USP34: variants seen among roughly 807,000 people sequenced by gnomAD.
USP34 encodes the protein ubiquitin specific peptidase 34, also known as ubiquitin carboxyl-terminal hydrolase 34.
USP34 carries 70 observed loss-of-function variants against 460.3 expected under a neutral mutation model. The ratio of observed to expected loss-of-function variants is 0.15; its 90% CI spans 0.13 to 0.19. The LOEUF (loss-of-function observed/expected upper bound fraction) is 0.19, where lower values mean the gene tolerates loss of function less well. Ranked by LOEUF, USP34 falls within the 10% of genes least tolerant of loss-of-function variation. The pLI is 1.00. For missense variants in USP34, 3,985 were observed against 4,236.2 expected, an observed-to-expected ratio of 0.94 and a Z score of 1.65; for synonymous variants, 1,647 against 1,405.3, an observed-to-expected ratio of 1.17 and a Z score of -3.85.
rs372063499 is a variant in USP34, at chr2:61,343,809, T to C, written c.2500+6A>G. ...GTAATATATTTTACTTACTGTAGAG[T>C]CTTACCTTGACTAAGATGTTCATGG... is the stretch of plus-strand genomic sequence containing the variant. On this transcript the variant is annotated splice_donor_region_variant and intron_variant, in intron 16 of 79. Transcript: ENST00000398571. The C allele has an allele frequency of 3.1e-6, 5 of 1,612,260 alleles. 1 individual carries two copies. In the African/African-American group the frequency reaches 6.7e-5, roughly 22 times the overall value.
intron 2 of USP34, among the ~76,000 whole-genome samples, chr2:61,410,876 C>G (rs928123522): frequency 1.3e-5 from 2 of 152,018 alleles, no homozygotes; most frequent in African/African-American, 4.8e-5. Flanking sequence ...CCACAGAACA[C>G]TGGAAAGGCT....
chr2:61,232,592 A>T lies in USP34; in HGVS notation c.7033-60T>A, dbSNP rs951796036. The stretch of plus-strand genomic sequence containing the variant: ...CAACAAATATTTGTTACATGGGATA[A>T]CAGTCACATAAGAATTTTATTTCTA... On this transcript the variant is annotated intron_variant, in intron 57 of 79. Coordinates refer to ENST00000398571, the MANE Select transcript of USP34 (RefSeq NM_014709.4). 20 of 1,291,986 alleles carry T rather than the reference A, an allele frequency of 1.5e-5. No individual in the cohort carries two copies. In the African/African-American group the frequency reaches 2.4e-4, roughly 15 times the overall value. 80.0% of individuals were successfully genotyped at this position (1,291,986 alleles called of 1,614,324 possible).
At chr2:61,371,428 T>C (rs1572976946) in intron 8 of USP34, among the ~76,000 whole-genome samples, 1 of 141,676 alleles carries the variant, frequency 7.1e-6, no homozygotes, top group East Asian at 2.1e-4. Context: ...CAGCTCCATG[T>C]GTATTATTAA....
chr2:61,339,709 A>AT, intron 16 of USP34, 28 bp from the exon 17 acceptor site: 1 of 1,237,552 alleles, frequency 8.1e-7, no homozygotes, highest in Non-Finnish European at 1.1e-6. Context: ...AAAAAGACAC[A>AT]CTATAGAGAA....
chr2:61,383,118 T>G (rs1359992334), intron 6 of USP34, 151 bp downstream of exon 6: 1 of 446,268 alleles, frequency 2.2e-6, no homozygotes, highest in Non-Finnish European at 4.0e-6. Flanking sequence ...TCCATATATG[T>G]GCATAAAAAA....
chr2:61,209,839 A>T (rs992000107), intron 69 of USP34, among the ~76,000 whole-genome samples: 2 of 152,238 alleles, frequency 1.3e-5, no homozygotes, highest in African/African-American at 2.4e-5. Context: ...CCCAAGTGGG[A>T]CAAGATGTGG....
chr2:61,289,823 A>T (rs1199998935), intron 33 of USP34, among the ~76,000 whole-genome samples: 1 of 152,170 alleles, frequency 6.6e-6, no homozygotes, highest in Non-Finnish European at 1.5e-5. Context: ...AGAAAAGACT[A>T]TAAAACTTAC....
chr2:61,232,360 A>T, intron 58 of USP34, 92 bp downstream of exon 58: 1 of 1,023,634 alleles, frequency 9.8e-7, no homozygotes, highest in Non-Finnish European at 1.5e-6. Flanking sequence ...TATCAATATT[A>T]GGTTAAGACA....
rs200157293 is a variant in USP34 at position 61,188,649 on chromosome 2, A to G, written c.10094T>C (p.Val3365Ala). ...RRVSSDEEHTVDSCISDMKTE... is the reference protein window; with the variant it reads ...RRVSSDEEHTADSCISDMKTE... Reference sequence around the variant, plus strand: ...TTTCATGTCACTGATGCAGCTGTCTACAGTGTGCTCCTCATCACTGCTAAC... The same window carrying G: ...TTTCATGTCACTGATGCAGCTGTCTGCAGTGTGCTCCTCATCACTGCTAAC... The change falls in exon 80 of 80, where the codon GTA (valine) becomes GCA (alanine). Residue 3365 changes from valine to alanine, a missense_variant. Coordinates refer to ENST00000398571, the MANE Select transcript of USP34 (RefSeq NM_014709.4). The G allele has an allele frequency of 1.9e-6, 3 of 1,614,178 alleles. No homozygotes were observed. Among genetic ancestry groups the G allele is most frequent in the African/African-American group, 2.7e-5 (2 of 75,040 alleles).
chr2:61,245,929 A>G (rs1043991969), intron 50 of USP34, among the ~76,000 whole-genome samples: 15 of 152,196 alleles, frequency 9.9e-5, no homozygotes, highest in African/African-American at 3.6e-4. Context: ...AAGGATAAAA[A>G]GAAGTGTGTG....
At chr2:61,381,809 A>G (rs1214067078) in intron 6 of USP34, among the ~76,000 whole-genome samples, 2 of 152,078 alleles carry the variant, frequency 1.3e-5, no homozygotes, top group Non-Finnish European at 2.9e-5. Context: ...CATTAATGAA[A>G]ACTGTTCTGA....
chr2:61,205,760 G>C (rs1422246203), intron 72 of USP34, among the ~76,000 whole-genome samples: 2 of 152,192 alleles, frequency 1.3e-5, no homozygotes, highest in Non-Finnish European at 2.9e-5. Flanking sequence ...CAAGATTTTA[G>C]AGCTGGAGGA....
chr2:61,303,607 T>C (rs1181814523), intron 27 of USP34, among the ~76,000 whole-genome samples: 1 of 152,086 alleles, frequency 6.6e-6, no homozygotes, highest in Non-Finnish European at 1.5e-5. Context: ...TAAACTTTTT[T>C]TTTTTTTGAG....
At position 61,188,082 on chromosome 2, in the gene USP34, T is replaced by C. The variant is rs1047405124; in HGVS notation, c.*20A>G. 13 of 1,594,118 alleles carry C rather than the reference T, an allele frequency of 8.2e-6. No homozygotes were observed. Among genetic ancestry groups the C allele is most frequent in the South Asian group, 2.3e-5 (2 of 88,134 alleles). On this transcript the variant is annotated 3_prime_UTR_variant, in exon 80 of 80. Transcript: ENST00000398571. Reference sequence around the variant, plus strand: ...GGGTTGGGGGTGAGGGACTTAAAAGTAGACATGCTACACCTAATGTCAAGA... The same window carrying C: ...GGGTTGGGGGTGAGGGACTTAAAAGCAGACATGCTACACCTAATGTCAAGA...
In USP34 at chr2:61,300,947, T is replaced by G. The variant is rs768691536; in HGVS notation, c.4128+4A>C. On this transcript the variant is annotated splice_donor_region_variant and intron_variant, in intron 29 of 79. Transcript: ENST00000398571. ...CAAGATTTGTGAAAATGAAACATAG[T>G]CACCTCACTATCATCCACTGCCACT... 1 of 1,590,974 alleles carries G rather than the reference T, an allele frequency of 6.3e-7. No homozygotes were observed. Among genetic ancestry groups the G allele is most frequent in the Non-Finnish European group, 8.6e-7 (1 of 1,168,138 alleles).
chr2:61,380,220 G>A lies in USP34; in HGVS notation c.963C>T (p.Tyr321=), dbSNP rs1419775780. Residue 321 remains tyrosine (Y), a synonymous_variant, in exon 7 of 80, where the codon TAC becomes TAT. Coordinates refer to ENST00000398571, the MANE Select transcript of USP34 (RefSeq NM_014709.4). ...TCATAGTCAAAGTAGGTGACATAAAGTACTTAAATGCAAGATCTAGGCTTT... is the reference window on the plus strand; with the variant it reads ...TCATAGTCAAAGTAGGTGACATAAAATACTTAAATGCAAGATCTAGGCTTT... ...DKESLDLAFK[Y]FMSPTLTMRL... 1 of 1,614,048 alleles carries A rather than the reference G, an allele frequency of 6.2e-7. No individual in the cohort carries two copies. Among genetic ancestry groups the A allele is most frequent in the Non-Finnish European group, 8.5e-7 (1 of 1,179,944 alleles).
chr2:61,251,715 C>T (rs756887920), intron 48 of USP34, among the ~76,000 whole-genome samples: 10 of 152,102 alleles, frequency 6.6e-5, no homozygotes, highest in Non-Finnish European at 1.3e-4. Context: ...TTTGTGTCTA[C>T]TTTAAAAGAC....
At chr2:61,391,323 G>C (rs144143389) in intron 5 of USP34, among the ~76,000 whole-genome samples, 1 of 151,954 alleles carries the variant, frequency 6.6e-6, no homozygotes, top group Non-Finnish European at 1.5e-5. Context: ...TAAATATATA[G>C]CTTTTTCTTT....
At chr2:61,468,425 C>T (rs960961323) in intron 1 of USP34, among the ~76,000 whole-genome samples, 1 of 152,204 alleles carries the variant, frequency 6.6e-6, no homozygotes, top group Non-Finnish European at 1.5e-5. Flanking sequence ...TCAGGTGATC[C>T]GCCAACCTTG....
Sources: allele counts gnomAD v4.1 joint callset (sites outside exome capture counted in the v4.1 genomes callset), GRCh38; gene constraint gnomAD v4.1.1; transcripts MANE v1.5; gene names NCBI Gene and HGNC (gene_info 2026-07-23, HGNC 2026-07-21).